Variants in TMPRSS11E observed in about 807,000 individuals in gnomAD.
The protein encoded by TMPRSS11E is transmembrane serine protease 11E, also known as transmembrane protease serine 11E.
In TMPRSS11E, 38 loss-of-function variants were observed where a neutral mutation model predicts 48.1. That is an observed-to-expected ratio of 0.79 (90% CI 0.61 to 1.04). The LOEUF is 1.04. TMPRSS11E is among the 50% of genes least tolerant of loss of function. The probability of loss-of-function intolerance (pLI) is 0.00; values close to 1 mark genes in which losing one functional copy is unlikely to be tolerated. For missense variants in TMPRSS11E, 530 were observed against 510.8 expected (o/e 1.04, Z -0.36); for synonymous variants, 158 against 171.9 (o/e 0.92, Z 0.63).
chr4:68,474,845 A>C, intron 6 of TMPRSS11E, 84 bp downstream of exon 6: 1 of 1,116,102 alleles, frequency 9.0e-7, no homozygotes, highest in Non-Finnish European at 1.3e-6. Flanking sequence ...CTTTGTGTTG[A>C]TATCATAGGG....
intron 2 of TMPRSS11E, 85 bp downstream of exon 2, chr4:68,462,030 CATTT>C: frequency 2.0e-6 from 3 of 1,528,170 alleles, no homozygotes; most frequent in Non-Finnish European, 2.7e-6. Context: ...CAGGCTTATT[CATTT>C]ATCACTACGA....
rs539874414 is a variant in TMPRSS11E, at chr4:68,480,024, TCCA to T, written c.1110+1034_1110+1036del. The stretch of plus-strand genomic sequence containing the variant: ...TTTGCTGCTATTAGAATTATTTTTT[TCCA>T]ATAGATGAGGTGTCATTTCTTGCTG... On this transcript the variant is annotated intron_variant, in intron 9 of 9. Transcript: ENST00000305363. Among the ~76,000 whole-genome samples the T allele has an allele frequency of 9.9e-5, 15 of 152,268 alleles. No homozygotes were observed. The South Asian group carries it at 3.1e-3, about 32-fold the overall frequency.
chr4:68,493,945 C>T (rs1729799887), intron 9 of TMPRSS11E, among the ~76,000 whole-genome samples: 1 of 152,082 alleles, frequency 6.6e-6, no homozygotes, highest in African/African-American at 2.4e-5. Flanking sequence ...GGCGACCTTG[C>T]CTTTCTTAAG....
chr4:68,450,164 G>A (rs1728455844), intron 1 of TMPRSS11E, among the ~76,000 whole-genome samples: 1 of 152,024 alleles, frequency 6.6e-6, no homozygotes, highest in Non-Finnish European at 1.5e-5. Flanking sequence ...TATTTAGCAT[G>A]TGCTCACACT....
rs761517617 is a variant in TMPRSS11E at position 68,476,271 on chromosome 4, A to G, written c.540A>G (p.Thr180=). 1 of 1,614,100 alleles carries G rather than the reference A, an allele frequency of 6.2e-7. No homozygotes were observed. Among genetic ancestry groups the G allele is most frequent in the Non-Finnish European group, 8.5e-7 (1 of 1,179,974 alleles). ...TDSYLNHCCG[T]RRSKTLGQSL... ...CTCTCTCTTTTGCAGGCTGCGGAAC[A>G]CGAAGAAGTAAAACTCTAGGTCAGA... Residue 180 remains threonine, a synonymous_variant, in exon 7 of 10, where the codon ACA becomes ACG. Transcript: ENST00000305363.
chr4:68,475,443 T>C (rs769367630), intron 6 of TMPRSS11E, among the ~76,000 whole-genome samples: 5 of 152,170 alleles, frequency 3.3e-5, no homozygotes, highest in African/African-American at 4.8e-5. Flanking sequence ...CCAGCTCATA[T>C]AGTTGGTTAA....
intron 1 of TMPRSS11E, among the ~76,000 whole-genome samples, chr4:68,453,856 A>G (rs892482878): frequency 6.6e-6 from 1 of 151,776 alleles, no homozygotes; most frequent in African/African-American, 2.4e-5. Flanking sequence ...GTCTCCTACT[A>G]TTGTGCTGTC....
intron 1 of TMPRSS11E, among the ~76,000 whole-genome samples, chr4:68,459,156 A>T (rs1442963362): frequency 6.6e-6 from 1 of 152,132 alleles, no homozygotes; most frequent in Non-Finnish European, 1.5e-5. Flanking sequence ...GTCCCATATT[A>T]TCCCTTTTGT....
In TMPRSS11E at chr4:68,449,896, TG is replaced by T. The variant is rs371326883; in HGVS notation, c.11+2375del. Among the ~76,000 whole-genome samples, 466 of 151,780 alleles carry T rather than the reference TG, an allele frequency of 3.1e-3. 2 individuals are homozygous for T. The highest frequency in any genetic ancestry group is 0.011 in the African/African-American group (445 of 41,452). On this transcript the variant is annotated intron_variant, in intron 1 of 9. Coordinates refer to ENST00000305363, the MANE Select transcript of TMPRSS11E (RefSeq NM_014058.4). ...GAGAAGAGTACTCATTTATGCAACA[TG>T]GTGATGATTAAGAAAGAGAGGATAA...
chr4:68,493,487 A>T (rs1468121698), intron 9 of TMPRSS11E, among the ~76,000 whole-genome samples: 1 of 152,034 alleles, frequency 6.6e-6, no homozygotes, highest in Non-Finnish European at 1.5e-5. Context: ...GGGGGGAGGG[A>T]TGGAGTTTCA....
At chr4:68,470,021 A>G (rs1729021021) in intron 4 of TMPRSS11E, among the ~76,000 whole-genome samples, 1 of 151,924 alleles carries the variant, frequency 6.6e-6, no homozygotes. Flanking sequence ...TTACTGCAAT[A>G]GTGAGAAGAG....
At chr4:68,476,205 C>G in intron 6 of TMPRSS11E, 56 bp from the exon 7 acceptor site, 1 of 1,608,894 alleles carries the variant, frequency 6.2e-7, no homozygotes, top group Admixed American at 1.7e-5. Context: ...ATTTGATGTG[C>G]AAAACAACTG....
In TMPRSS11E at chr4:68,478,451, C is replaced by CTTTTTTT. The variant is rs377068765; in HGVS notation, c.968-383_968-377dup. Among the ~76,000 whole-genome samples, 466 of 73,616 alleles carry CTTTTTTT rather than the reference C, an allele frequency of 6.3e-3. 22 individuals are homozygous for CTTTTTTT. Among genetic ancestry groups the CTTTTTTT allele is most frequent in the African/African-American group, 0.02 (366 of 18,486 alleles). 48.3% of individuals were successfully genotyped at this position (73,616 alleles called of 152,430 possible). On this transcript the variant is annotated intron_variant, in intron 8 of 9. Transcript: ENST00000305363. ...AAGCCACCGCACCCGGTATCCCCCG[C>CTTTTTTT]TTTTTTTTTTTTTTTTTTTTTAAGA...
At chr4:68,489,592 T>A (rs1729658415) in intron 9 of TMPRSS11E, among the ~76,000 whole-genome samples, 3 of 152,220 alleles carry the variant, frequency 2.0e-5, no homozygotes, top group Non-Finnish European at 4.4e-5. Flanking sequence ...AGGTAGAGGC[T>A]GCCAGTGAGT....
intron 4 of TMPRSS11E, among the ~76,000 whole-genome samples, chr4:68,470,308 G>GTGTC (rs1729029868): frequency 6.6e-6 from 1 of 151,748 alleles, no homozygotes; most frequent in Non-Finnish European, 1.5e-5. Flanking sequence ...TAGGGAAAGA[G>GTGTC]CAGGAAAATA....
At chr4:68,462,414 TAAAA>T (rs34825904) in intron 2 of TMPRSS11E, among the ~76,000 whole-genome samples, 1 of 120,858 alleles carries the variant, frequency 8.3e-6, no homozygotes, top group Non-Finnish European at 1.7e-5. Flanking sequence ...CCGTGTCTAC[TAAAA>T]AAAAAAAAAA....
At chr4:68,474,872 T>C (rs1729168443) in intron 6 of TMPRSS11E, 111 bp downstream of exon 6, 1 of 860,880 alleles carries the variant, frequency 1.2e-6, no homozygotes, top group Admixed American at 2.7e-5. Context: ...CACATAAAGT[T>C]TGATTAATTT....
intron 1 of TMPRSS11E, among the ~76,000 whole-genome samples, chr4:68,460,059 G>A (rs1728746304): frequency 6.6e-6 from 1 of 152,152 alleles, no homozygotes; most frequent in Admixed American, 6.5e-5. Context: ...GAAAGGTTGA[G>A]GAGAGTAAGA....
chr4:68,476,272 C>A lies in TMPRSS11E; in HGVS notation c.541C>A (p.Arg181=). 2.5e-6 allele frequency: 4 copies of A among 1,614,024 alleles called. No homozygotes were observed. Among genetic ancestry groups the A allele is most frequent in the Non-Finnish European group, 3.4e-6 (4 of 1,179,970 alleles). The stretch of plus-strand genomic sequence containing the variant: ...TCTCTCTTTTGCAGGCTGCGGAACA[C>A]GAAGAAGTAAAACTCTAGGTCAGAG... ...DSYLNHCCGT[R]RSKTLGQSLR... is the part of the protein sequence containing the mutation. The change falls in exon 7 of 10, where the codon CGA becomes AGA. Residue 181 remains arginine, a synonymous_variant. Transcript: ENST00000305363.
Sources: gnomAD v4.1 joint callset for allele counts (sites outside exome capture counted in the v4.1 genomes callset) on GRCh38, gnomAD v4.1.1 for gene constraint, MANE v1.5 for transcripts, NCBI Gene and HGNC (gene_info 2026-07-23, HGNC 2026-07-21) for gene names.